The following EPHB6 variants were observed in gnomAD, a reference collection of about 807,000 sequenced individuals.
EPHB6 encodes the protein ephrin type-B receptor 6.
In EPHB6, 51 loss-of-function variants were observed where a neutral mutation model predicts 107.0. The ratio of observed to expected loss-of-function variants is 0.48; its 90% CI spans 0.38 to 0.60. EPHB6 has a LOEUF of 0.60. Among genes scored for constraint, EPHB6 ranks in the 20% least tolerant of loss-of-function variants. The pLI is 0.00. For synonymous variants in EPHB6, 553 were observed against 549.0 expected, an observed-to-expected ratio of 1.01 and a Z score of -0.10; for missense variants, 1,141 against 1,355.5, an observed-to-expected ratio of 0.84 and a Z score of 2.48.
chr7:142,868,827 C>T lies in EPHB6; in HGVS notation c.2286+88C>T, dbSNP rs1794748751. ...GTCCTGTATCTTTGCTTCTTACCACCCCACCTTCCATGGTCTCCGTCCTTC... is the reference window on the plus strand; with the variant it reads ...GTCCTGTATCTTTGCTTCTTACCACTCCACCTTCCATGGTCTCCGTCCTTC... On this transcript the variant is annotated intron_variant, in intron 15 of 19. Coordinates refer to ENST00000652003, the MANE Select transcript of EPHB6 (RefSeq NM_004445.6). The surrounding 1 kb of genome is among the most constrained non-coding windows in gnomAD (Gnocchi z 4.2). 1.9e-6 allele frequency: 3 copies of T among 1,607,524 alleles called. No individual in the cohort carries two copies. In the African/African-American group the frequency reaches 4.0e-5, roughly 21 times the overall value.
rs746542529 is a variant in EPHB6, at chr7:142,864,328, C to T, written c.528C>T (p.Ser176=). The change falls in exon 7 of 20, where the codon TCC becomes TCT. Residue 176 remains serine (S), a synonymous_variant. Coordinates refer to ENST00000652003, the MANE Select transcript of EPHB6 (RefSeq NM_004445.6). ...CCTCCTCCTCCTCCTCCTCTTCTTC[C>T]TCTGCAGCGTGGGCTGTGGGACCCC... is the stretch of plus-strand genomic sequence containing the variant. ...SSSSSSSSSS[S]SAAWAVGPHG... 6.2e-7 allele frequency: 1 copy of T among 1,612,458 alleles called. No individual in the cohort carries two copies. Among genetic ancestry groups the T allele is most frequent in the Non-Finnish European group, 8.5e-7 (1 of 1,179,902 alleles).
intron 2 of EPHB6, among the ~76,000 whole-genome samples, chr7:142,861,635 C>G (rs894249117): frequency 4.6e-4 from 70 of 152,320 alleles, no homozygotes; most frequent in African/African-American, 1.6e-3. Flanking sequence ...CTTTTTATAT[C>G]AGTGCATCAA....
Position 142,865,628 on chromosome 7 carries a change from C to G in EPHB6, c.1103C>G (p.Thr368Ser), listed in dbSNP as rs1454170844. The G allele has an allele frequency of 5.0e-6, 8 of 1,613,100 alleles. No individual in the cohort carries two copies. The South Asian group carries it at 8.8e-5, about 18-fold the overall frequency. The change falls in exon 8 of 20, where the codon ACT (threonine) becomes AGT (serine). Residue 368 changes from threonine (T) to serine (S), a missense_variant and splice_region_variant. This residue lies in a region of EPHB6 where 304 missense variants were observed against 295.7 expected (regional missense o/e 1.03). Coordinates refer to ENST00000652003, the MANE Select transcript of EPHB6 (RefSeq NM_004445.6). The stretch of plus-strand genomic sequence containing the variant: ...TCCGACCCACCAGAGGCCCCCTGCA[C>G]TGGTGAGTTCCTCACCCAGCCCTGC... ...ASSDPPEAPCTGPPSAPQELW... is the reference protein window; with the variant it reads ...ASSDPPEAPCSGPPSAPQELW...
rs1189006213 is a variant in EPHB6 at position 142,866,898 on chromosome 7, A to G, written c.1588-8A>G. ...GCCAGGCAGGGAGTGAGTGGCTGTT[A>G]CCCCCAGGCAGAAGACGAATCCCAC... On this transcript the variant is annotated splice_polypyrimidine_tract_variant and splice_region_variant and intron_variant, in intron 10 of 19. Coordinates refer to ENST00000652003, the MANE Select transcript of EPHB6 (RefSeq NM_004445.6). This position sits in a 1 kb window ranked among gnomAD's most constrained non-coding sequence, Gnocchi z 5.2. 1.2e-6 allele frequency: 2 copies of G among 1,613,372 alleles called. No homozygotes were observed. Among genetic ancestry groups the G allele is most frequent in the Non-Finnish European group, 1.7e-6 (2 of 1,179,850 alleles).
chr7:142,869,013 A>C lies in EPHB6; in HGVS notation c.2326A>C (p.Met776Leu). ...GQFSSLQLVA[M>L]QRGVAAAMQY... ...GTTCAGCAGCCTGCAGCTGGTGGCCATGCAGCGGGGAGTGGCTGCTGCCAT... is the reference window on the plus strand; with the variant it reads ...GTTCAGCAGCCTGCAGCTGGTGGCCCTGCAGCGGGGAGTGGCTGCTGCCAT... The change falls in exon 16 of 20, where the codon ATG becomes CTG. Residue 776 changes from methionine to leucine, a missense_variant. By Grantham distance (15) the Met-to-Leu change is conservative. This residue lies in a region of EPHB6 where 616 missense variants were observed against 759.3 expected (regional missense o/e 0.81). Transcript: ENST00000652003. The surrounding 1 kb of genome is among the most constrained non-coding windows in gnomAD (Gnocchi z 4.5). The C allele has an allele frequency of 6.2e-7, 1 of 1,612,096 alleles. No individual in the cohort carries two copies. Among genetic ancestry groups the C allele is most frequent in the East Asian group, 2.2e-5 (1 of 44,884 alleles).
rs1794692056 is a variant in EPHB6 at position 142,867,939 on chromosome 7, G to A, written c.1866-58G>A. ...AAAGAGCAGTCTGGAGGGTGACAAGGGGGCAGCAAGGGGGTGGAAATGGGA... is the reference window on the plus strand; with the variant it reads ...AAAGAGCAGTCTGGAGGGTGACAAGAGGGCAGCAAGGGGGTGGAAATGGGA... On this transcript the variant is annotated intron_variant, in intron 12 of 19. Transcript: ENST00000652003. The surrounding 1 kb of genome is among the most constrained non-coding windows in gnomAD (Gnocchi z 5.3). 6.5e-7 allele frequency: 1 copy of A among 1,549,296 alleles called. No individual in the cohort carries two copies. Among genetic ancestry groups the A allele is most frequent in the African/African-American group, 1.4e-5 (1 of 72,980 alleles).
At chr7:142,863,362 G>T (rs375158903) in intron 5 of EPHB6, 35 bp downstream of exon 5, 3 of 1,590,100 alleles carry the variant, frequency 1.9e-6, no homozygotes, top group Non-Finnish European at 2.6e-6. Flanking sequence ...ACCCAGACCT[G>T]CCATAGAGAC....
chr7:142,860,129 T>C (rs1802779468), intron 1 of EPHB6, among the ~76,000 whole-genome samples: 1 of 152,256 alleles, frequency 6.6e-6, no homozygotes, highest in East Asian at 1.9e-4. Context: ...AATAATTCAT[T>C]GAAATATTTC....
chr7:142,860,287 A>G lies in EPHB6; in HGVS notation c.-431-765A>G, dbSNP rs1229965284. Among the ~76,000 whole-genome samples, 4 of 152,246 alleles carry G rather than the reference A, an allele frequency of 2.6e-5. No individual in the cohort carries two copies. In the East Asian group the frequency reaches 7.7e-4, roughly 29 times the overall value. On this transcript the variant is annotated intron_variant, in intron 1 of 19. Transcript: ENST00000652003. Reference sequence around the variant, plus strand: ...GAGACTATTTTAAAGAATAACTTCTAGGCAAATGGTAAAATAGCCTTCATT... The same window carrying G: ...GAGACTATTTTAAAGAATAACTTCTGGGCAAATGGTAAAATAGCCTTCATT...
chr7:142,865,704 C>A, intron 8 of EPHB6, 74 bp downstream of exon 8: 3 of 1,569,270 alleles, frequency 1.9e-6, no homozygotes, highest in Non-Finnish European at 2.6e-6. Flanking sequence ...GCAGGCAACA[C>A]TGGGGGCTCT....
rs13226660 is a variant in EPHB6, at chr7:142,860,360, C to A, written c.-431-692C>A. ...TTTTCTTTCCCTGATAACAGTATTT[C>A]TAAGGACTCCGTGACTCTGGTTTGC... On this transcript the variant is annotated intron_variant, in intron 1 of 19. Transcript: ENST00000652003. Among the ~76,000 whole-genome samples the A allele has an allele frequency of 1.4e-4, 22 of 152,332 alleles. No homozygotes were observed. The South Asian group carries it at 4.6e-3, about 32-fold the overall frequency.
At chr7:142,861,001 T>C (rs145576314) in intron 1 of EPHB6, 51 bp from the exon 2 acceptor site, 27 of 152,314 alleles carry the variant, frequency 1.8e-4, no homozygotes, top group African/African-American at 5.5e-4. Flanking sequence ...TCCTCTCAGT[T>C]CTATGTCTTT....
chr7:142,866,060 G>GCT lies in EPHB6; in HGVS notation c.1209_1210dup (p.Phe404SerfsTer39), dbSNP rs1803152434. 1 of 1,611,640 alleles carries GCT rather than the reference G, an allele frequency of 6.2e-7. No individual in the cohort carries two copies. The highest frequency in any genetic ancestry group is 1.7e-5 in the Admixed American group (1 of 59,590). On this transcript the variant is annotated frameshift_variant, in exon 9 of 20. Coordinates refer to ENST00000652003, the MANE Select transcript of EPHB6 (RefSeq NM_004445.6). LOFTEE classifies it high-confidence loss of function. This position sits in a 1 kb window ranked among gnomAD's most constrained non-coding sequence, Gnocchi z 5.2. ...GGGAGCTGGGGGGTCGAGGGGACCT[G>GCT]CTCTTCAATGTCGTGTGCAAGGAGT...
Position 142,863,904 on chromosome 7 carries a change from A to C in EPHB6, c.166-62A>C, listed in dbSNP as rs1484720287. ...GGAAGAGATATGTCCCCTTCCCTAT[A>C]ACCTCTACCTCGCCGTGCTTAAGCC... On this transcript the variant is annotated intron_variant, in intron 6 of 19. Coordinates refer to ENST00000652003, the MANE Select transcript of EPHB6 (RefSeq NM_004445.6). 5.6e-6 allele frequency: 9 copies of C among 1,609,634 alleles called. No homozygotes were observed. In the East Asian group the frequency reaches 2.0e-4, roughly 36 times the overall value.
chr7:142,866,743 G>A lies in EPHB6; in HGVS notation c.1587+138G>A. 1.9e-6 allele frequency: 3 copies of A among 1,581,164 alleles called. No individual in the cohort carries two copies. The highest frequency in any genetic ancestry group is 1.1e-5 in the South Asian group (1 of 89,824). ...CTGGCAGGAGCTCACAGTCCCCACAGTAGGGGCCAGAGGCTGAATGGGCAA... is the reference window on the plus strand; with the variant it reads ...CTGGCAGGAGCTCACAGTCCCCACAATAGGGGCCAGAGGCTGAATGGGCAA... On this transcript the variant is annotated intron_variant, in intron 10 of 19. Coordinates refer to ENST00000652003, the MANE Select transcript of EPHB6 (RefSeq NM_004445.6). This position sits in a 1 kb window ranked among gnomAD's most constrained non-coding sequence, Gnocchi z 5.2.
chr7:142,863,573 G>A, intron 5 of EPHB6, 58 bp from the exon 6 acceptor site: 2 of 1,581,158 alleles, frequency 1.3e-6, no homozygotes, highest in South Asian at 2.2e-5. Context: ...AATAGAGTAG[G>A]GGCTGGCAGT....
At chr7:142,870,115 C>G (rs1586178450) in intron 17 of EPHB6, 99 bp from the exon 18 acceptor site, 1 of 1,584,290 alleles carries the variant, frequency 6.3e-7, no homozygotes, top group East Asian at 2.2e-5. Context: ...CCACTCCAAC[C>G]TCATGCTCCA....
At position 142,869,680 on chromosome 7, in the gene EPHB6, C is replaced by T; in HGVS notation, c.2461-137C>T. On this transcript the variant is annotated intron_variant, in intron 16 of 19. Coordinates refer to ENST00000652003, the MANE Select transcript of EPHB6 (RefSeq NM_004445.6). This position sits in a 1 kb window ranked among gnomAD's most constrained non-coding sequence, Gnocchi z 4.5. Reference sequence around the variant, plus strand: ...TCTGTGAAATGGAGATGATATCATCCACCTTAGAGGGTTGTTATGAGGATT... The same window carrying T: ...TCTGTGAAATGGAGATGATATCATCTACCTTAGAGGGTTGTTATGAGGATT... 2.0e-6 allele frequency: 2 copies of T among 999,450 alleles called. No homozygotes were observed. The highest frequency in any genetic ancestry group is 1.5e-6 in the Non-Finnish European group (1 of 655,806). 61.9% of individuals were successfully genotyped at this position (999,450 alleles called of 1,614,324 possible).
At position 142,867,566 on chromosome 7, in the gene EPHB6, A is replaced by C. The variant is rs773976726; in HGVS notation, c.1751-42A>C. Reference sequence around the variant, plus strand: ...CTGGGCACATGAACAAGCACCTGTGAGAGACCTGGCCCACCTGTGACCCTG... The same window carrying C: ...CTGGGCACATGAACAAGCACCTGTGCGAGACCTGGCCCACCTGTGACCCTG... On this transcript the variant is annotated intron_variant, in intron 11 of 19. Coordinates refer to ENST00000652003, the MANE Select transcript of EPHB6 (RefSeq NM_004445.6). The surrounding 1 kb of genome is among the most constrained non-coding windows in gnomAD (Gnocchi z 5.3). 1 of 1,550,164 alleles carries C rather than the reference A, an allele frequency of 6.5e-7. No individual in the cohort carries two copies.
Sources: allele counts gnomAD v4.1 joint callset (sites outside exome capture counted in the v4.1 genomes callset), GRCh38; gene constraint gnomAD v4.1.1; regional missense constraint gnomAD v4.1.1; non-coding constraint Gnocchi (gnomAD v3.1); transcripts MANE v1.5; gene names NCBI Gene and HGNC (gene_info 2026-07-23, HGNC 2026-07-21).